RPS6KC1: variants seen among roughly 807,000 people sequenced by gnomAD.
The protein encoded by RPS6KC1 is ribosomal protein S6 kinase C1, also known as inactive ribosomal protein S6 kinase delta-1.
A neutral mutation model predicts 103.8 loss-of-function variants in RPS6KC1; 54 were observed. The ratio of observed to expected loss-of-function variants is 0.52; its 90% CI spans 0.42 to 0.65. RPS6KC1 has a LOEUF of 0.65. Ranked by LOEUF, RPS6KC1 falls within the 30% of genes least tolerant of loss-of-function variation. The pLI is 0.00. For missense variants in RPS6KC1, 1,151 were observed against 1,253.8 expected, an observed-to-expected ratio of 0.92 and a Z score of 1.24; for synonymous variants, 439 against 438.7, an observed-to-expected ratio of 1.00 and a Z score of -0.01.
the RPS6KC1 span, among the ~76,000 whole-genome samples, chr1:213,778,292 G>T: frequency 6.6e-6 from 1 of 152,156 alleles, no homozygotes; most frequent in Admixed American, 6.5e-5. Context: ...CAGGCCAGGT[G>T]GTATGCAGAT....
chr1:213,135,562 T>G (rs983502173), intron 6 of RPS6KC1, among the ~76,000 whole-genome samples: 2 of 152,240 alleles, frequency 1.3e-5, no homozygotes, highest in Non-Finnish European at 2.9e-5. Context: ...AAATGTGTAC[T>G]TTTCACTATG....
the RPS6KC1 span, among the ~76,000 whole-genome samples, chr1:213,293,370 T>C: frequency 1.3e-5 from 2 of 152,154 alleles, no homozygotes; most frequent in East Asian, 3.8e-4. Context: ...CCCTGCTTTT[T>C]CCCCCTTTCT....
chr1:213,326,220 GAAAA>G, the RPS6KC1 span, among the ~76,000 whole-genome samples: 5 of 151,136 alleles, frequency 3.3e-5, no homozygotes, highest in Non-Finnish European at 5.9e-5. Flanking sequence ...AAAGAAAAAA[GAAAA>G]AAAAGACAGC....
chr1:213,345,778 T>C, the RPS6KC1 span, among the ~76,000 whole-genome samples: 1 of 152,182 alleles, frequency 6.6e-6, no homozygotes, highest in Non-Finnish European at 1.5e-5. Flanking sequence ...GCTGACACTT[T>C]CTGTTCTGCT....
At chr1:213,706,862 T>C in the RPS6KC1 span, among the ~76,000 whole-genome samples, 1 of 152,200 alleles carries the variant, frequency 6.6e-6, no homozygotes, top group Non-Finnish European at 1.5e-5. Flanking sequence ...TCCATGTCCC[T>C]GCAAAGGACA....
intron 6 of RPS6KC1, among the ~76,000 whole-genome samples, chr1:213,148,563 G>T (rs1170665925): frequency 6.6e-6 from 1 of 152,084 alleles, no homozygotes; most frequent in African/African-American, 2.4e-5. Flanking sequence ...ACAATGTATT[G>T]TTGAATTCAG....
intron 8 of RPS6KC1, among the ~76,000 whole-genome samples, chr1:213,194,752 T>G (rs746880953): frequency 9.9e-5 from 15 of 152,220 alleles, no homozygotes; most frequent in Non-Finnish European, 1.6e-4. Context: ...TAATGCCTGA[T>G]AATCTGAGGT....
chr1:213,704,609 T>A, the RPS6KC1 span, among the ~76,000 whole-genome samples: 1 of 152,218 alleles, frequency 6.6e-6, no homozygotes, highest in Admixed American at 6.5e-5. Flanking sequence ...CATATCTCTG[T>A]TTCTCCAGAT....
At chr1:213,556,875 A>G in the RPS6KC1 span, among the ~76,000 whole-genome samples, 2 of 152,332 alleles carry the variant, frequency 1.3e-5, no homozygotes, top group Middle Eastern at 3.4e-3. Flanking sequence ...TACTTCTGTA[A>G]TATTTCCATT....
chr1:213,064,117 C>T (rs1044719995), intron 1 of RPS6KC1, among the ~76,000 whole-genome samples: 5 of 152,084 alleles, frequency 3.3e-5, no homozygotes, highest in Non-Finnish European at 4.4e-5. Context: ...AGTGCAATGG[C>T]GTGATCTTGG....
chr1:213,064,217 C>T (rs994363552), intron 1 of RPS6KC1, among the ~76,000 whole-genome samples: 6 of 151,874 alleles, frequency 4.0e-5, no homozygotes, highest in Admixed American at 2.0e-4. Flanking sequence ...CCACCACACC[C>T]GGCTCATTTT....
the RPS6KC1 span, among the ~76,000 whole-genome samples, chr1:213,727,040 C>G: frequency 1.3e-5 from 2 of 152,228 alleles, no homozygotes; most frequent in Non-Finnish European, 2.9e-5. Flanking sequence ...GAGAATTGCC[C>G]TGACTCTTGT....
rs1352995235 is a variant in RPS6KC1 at position 213,051,306 on chromosome 1, C to G, written c.-99C>G. On this transcript the variant is annotated 5_prime_UTR_variant, in exon 1 of 15. Coordinates refer to ENST00000366960, the MANE Select transcript of RPS6KC1 (RefSeq NM_012424.6). ...AGCCGCCTTGGAGCCACCGCCCCCT[C>G]GCCGCTTCGCCGCTGCGTTGGGGAA... The G allele has an allele frequency of 8.3e-6, 7 of 848,268 alleles. No individual in the cohort carries two copies. The highest frequency in any genetic ancestry group is 1.1e-5 in the Non-Finnish European group (6 of 526,626). The allele number at this position is 848,268 out of a possible 1,614,324, so 52.5% of individuals were successfully genotyped here. A position where few individuals can be genotyped will look rare whatever the true frequency, so the allele number is the denominator to read the frequency against.
chr1:213,751,117 C>T, the RPS6KC1 span, among the ~76,000 whole-genome samples: 1 of 152,086 alleles, frequency 6.6e-6, no homozygotes, highest in Non-Finnish European at 1.5e-5. Context: ...AGCAATTTAC[C>T]ACCATGAATT....
chr1:213,572,478 G>T, the RPS6KC1 span, among the ~76,000 whole-genome samples: 3 of 152,186 alleles, frequency 2.0e-5, no homozygotes, highest in Non-Finnish European at 4.4e-5. Flanking sequence ...ATTTTCTCTG[G>T]TTCCCAGACT....
chr1:213,112,505 T>G lies in RPS6KC1; in HGVS notation c.379-4812T>G, dbSNP rs114889650. Among the ~76,000 whole-genome samples, 496 of 150,794 alleles carry G rather than the reference T, an allele frequency of 3.3e-3. 5 individuals are homozygous for G. Among genetic ancestry groups the G allele is most frequent in the African/African-American group, 0.012 (471 of 40,500 alleles). The stretch of plus-strand genomic sequence containing the variant: ...TCTCTACTAAAAGTACCTTAATTTT[T>G]TTTGTTTTACCTATATTGTATACAA... On this transcript the variant is annotated intron_variant, in intron 4 of 14. Transcript: ENST00000366960.
At chr1:213,421,557 A>G in the RPS6KC1 span, among the ~76,000 whole-genome samples, 1 of 152,390 alleles carries the variant, frequency 6.6e-6, no homozygotes, top group South Asian at 2.1e-4. Flanking sequence ...ACATCCATAC[A>G]GGGCTATGTT....
rs534084192 is a variant in RPS6KC1, at chr1:213,053,741, T to C, written c.105+2232T>C. 2.1e-4 allele frequency among the ~76,000 whole-genome samples: 32 copies of C among 152,222 alleles called. No individual in the cohort carries two copies. In the East Asian group the frequency reaches 4.8e-3, roughly 23 times the overall value. On this transcript the variant is annotated intron_variant, in intron 1 of 14. Transcript: ENST00000366960. ...TGAAGGGGTAGAGTCCATAAAGACC[T>C]GGAGGTATGAATGTGTGTGGAACTG... is the stretch of plus-strand genomic sequence containing the variant.
the RPS6KC1 span, among the ~76,000 whole-genome samples, chr1:213,627,751 C>T: frequency 1.3e-5 from 2 of 152,186 alleles, no homozygotes; most frequent in Non-Finnish European, 2.9e-5. Context: ...GTTGAACCAA[C>T]CTTGCATCCC....
Sources: gnomAD v4.1 joint callset for allele counts (sites outside exome capture counted in the v4.1 genomes callset) on GRCh38, gnomAD v4.1.1 for gene constraint, MANE v1.5 for transcripts, NCBI Gene and HGNC (gene_info 2026-07-23, HGNC 2026-07-21) for gene names.